Variants in MIGA1 observed in about 807,000 individuals in gnomAD.
MIGA1 encodes mitoguardin 1.
MIGA1 carries 58 observed loss-of-function variants against 82.0 expected under a neutral mutation model. The ratio of observed to expected loss-of-function variants is 0.71; its 90% CI spans 0.57 to 0.88. The LOEUF is 0.88. Ranked by LOEUF, MIGA1 falls within the 40% of genes least tolerant of loss-of-function variation. MIGA1 has a pLI of 0.00. For synonymous variants in MIGA1, 249 were observed against 253.6 expected, an observed-to-expected ratio of 0.98 and a Z score of 0.17; for missense variants, 751 against 749.1, an observed-to-expected ratio of 1.00 and a Z score of -0.03.
chr1:77,799,644 A>G (rs1261047327), intron 2 of MIGA1, among the ~76,000 whole-genome samples: 3 of 151,546 alleles, frequency 2.0e-5, no homozygotes, highest in Non-Finnish European at 4.4e-5. Flanking sequence ...TTTAATAGAT[A>G]TTTAACTGCT....
At chr1:77,794,692 C>T (rs748760770) in intron 2 of MIGA1, among the ~76,000 whole-genome samples, 1 of 152,178 alleles carries the variant, frequency 6.6e-6, no homozygotes, top group Non-Finnish European at 1.5e-5. Context: ...GTCCCAGCTA[C>T]TCTGGAGGCT....
chr1:77,821,802 T>C (rs536353227), intron 7 of MIGA1, among the ~76,000 whole-genome samples: 17 of 152,328 alleles, frequency 1.1e-4, no homozygotes, highest in Non-Finnish European at 2.5e-4. Context: ...AGTGCTGTCA[T>C]TGAAATCATT....
intron 8 of MIGA1, among the ~76,000 whole-genome samples, chr1:77,852,761 G>A (rs1315830171): frequency 6.6e-6 from 1 of 152,130 alleles, no homozygotes; most frequent in Non-Finnish European, 1.5e-5. Flanking sequence ...TACGATCTTG[G>A]CTCACTGCAA....
intron 2 of MIGA1, among the ~76,000 whole-genome samples, chr1:77,785,011 G>T (rs191076177): frequency 6.6e-6 from 1 of 152,294 alleles, no homozygotes; most frequent in Admixed American, 6.5e-5. Flanking sequence ...TGAGATTTGG[G>T]TGGGGACACA....
Position 77,870,490 on chromosome 1 carries a change from GCCGGGCAGAGACGCT to G in MIGA1, c.1564-2511_1564-2497del, listed in dbSNP as rs1178511087. On this transcript the variant is annotated intron_variant, in intron 14 of 15. Transcript: ENST00000370791. ...CTCCCCACATCTCAGACGATGGGCG[GCCGGGCAGAGACGCT>G]CCTCACTTCCTAGATGGGATGGCGG... Among the ~76,000 whole-genome samples, 1,016 of 115,266 alleles carry G rather than the reference GCCGGGCAGAGACGCT, an allele frequency of 8.8e-3. 5 individuals carry two copies. Among genetic ancestry groups the G allele is most frequent in the African/African-American group, 0.032 (973 of 30,422 alleles). 75.6% of individuals were successfully genotyped at this position (115,266 alleles called of 152,430 possible).
At chr1:77,858,026 C>T (rs761763205) in intron 8 of MIGA1, among the ~76,000 whole-genome samples, 11 of 152,110 alleles carry the variant, frequency 7.2e-5, no homozygotes, top group Non-Finnish European at 1.2e-4. Context: ...AAAAATGCTT[C>T]TTCAGTTGTT....
chr1:77,788,451 T>C (rs2101698751), intron 2 of MIGA1, among the ~76,000 whole-genome samples: 1 of 152,334 alleles, frequency 6.6e-6, no homozygotes, highest in East Asian at 1.9e-4. Flanking sequence ...TGAATTACTT[T>C]TTTATTCTGT....
chr1:77,860,203 T>A, intron 11 of MIGA1, 77 bp downstream of exon 11: 1 of 1,045,572 alleles, frequency 9.6e-7, no homozygotes, highest in Non-Finnish European at 1.4e-6. Context: ...ATTAAGACAT[T>A]AAATTTTTGA....
chr1:77,871,132 GAGGGAGAGGGC>G (rs1685978678), intron 14 of MIGA1, among the ~76,000 whole-genome samples: 1 of 149,622 alleles, frequency 6.7e-6, no homozygotes, highest in Non-Finnish European at 1.5e-5. Context: ...AGAGGAGGGA[GAGGGAGAGGGC>G]AGCACATTTT....
intron 7 of MIGA1, among the ~76,000 whole-genome samples, chr1:77,821,390 A>ATT (rs199521038): frequency 5.1e-5 from 7 of 137,610 alleles, no homozygotes; most frequent in East Asian, 2.1e-4. Context: ...ATAGTTTTAG[A>ATT]TTTTTTTTTT....
Position 77,856,151 on chromosome 1 carries a change from C to T in MIGA1, c.997-2787C>T, listed in dbSNP as rs576087034. Among the ~76,000 whole-genome samples the T allele has an allele frequency of 3.0e-3, 454 of 152,176 alleles. 2 individuals carry two copies. The highest frequency in any genetic ancestry group is 5.0e-3 in the Non-Finnish European group (338 of 68,006). On this transcript the variant is annotated intron_variant, in intron 8 of 15. Transcript: ENST00000370791. ...CTTTTTCTGCATCTATTGAGGTGAT[C>T]GTGTGATTTTTGTTTTTAATTCTGT...
intron 13 of MIGA1, 43 bp from the exon 14 acceptor site, chr1:77,866,295 A>T (rs1685664072): frequency 6.5e-7 from 1 of 1,545,954 alleles, no homozygotes; most frequent in Non-Finnish European, 8.9e-7. Flanking sequence ...GGAAATGTTT[A>T]TATAGCTATA....
At chr1:77,863,807 C>G in intron 12 of MIGA1, 87 bp from the exon 13 acceptor site, 1 of 921,214 alleles carries the variant, frequency 1.1e-6, no homozygotes, top group Non-Finnish European at 1.6e-6. Context: ...AAAACCCCTG[C>G]TGTTATAAAA....
At chr1:77,854,395 C>G (rs560955528) in intron 8 of MIGA1, among the ~76,000 whole-genome samples, 1 of 152,300 alleles carries the variant, frequency 6.6e-6, no homozygotes, top group African/African-American at 2.4e-5. Context: ...ATGATGACTT[C>G]TTTTCCTCTG....
At chr1:77,832,246 G>A (rs1377440390) in intron 7 of MIGA1, among the ~76,000 whole-genome samples, 1 of 152,142 alleles carries the variant, frequency 6.6e-6, no homozygotes, top group Admixed American at 6.5e-5. Flanking sequence ...TAAGTGTTTA[G>A]GCATCTTCCT....
In MIGA1 at chr1:77,831,688, C is replaced by T. The variant is rs751961844; in HGVS notation, c.896-11619C>T. On this transcript the variant is annotated intron_variant, in intron 7 of 15. Transcript: ENST00000370791. ...CATGACGAATGTTTGTGATTACATG[C>T]TTTGGAAGTTTATTTTTGTAACAGT... 4.6e-5 allele frequency among the ~76,000 whole-genome samples: 7 copies of T among 152,240 alleles called. No individual in the cohort carries two copies. The South Asian group carries it at 6.2e-4, about 14-fold the overall frequency.
chr1:77,847,745 A>G, intron 8 of MIGA1: 1 of 1,592,240 alleles, frequency 6.3e-7, no homozygotes, highest in Non-Finnish European at 8.6e-7. Flanking sequence ...GCTTTCGTGA[A>G]GCCAGATCTG....
chr1:77,838,645 G>A (rs539977507), intron 7 of MIGA1, among the ~76,000 whole-genome samples: 11 of 152,020 alleles, frequency 7.2e-5, no homozygotes, highest in Admixed American at 3.3e-4. Flanking sequence ...GCATGGTTTC[G>A]CCATGTTGGC....
chr1:77,847,430 A>G (rs1000428043), intron 8 of MIGA1: 5 of 1,406,328 alleles, frequency 3.6e-6, no homozygotes, highest in Non-Finnish European at 5.0e-6. Context: ...ACAACTTGCT[A>G]AAAGCAGTTG....
Sources: gnomAD v4.1 joint callset for allele counts (sites outside exome capture counted in the v4.1 genomes callset) on GRCh38, gnomAD v4.1.1 for gene constraint, MANE v1.5 for transcripts, NCBI Gene and HGNC (gene_info 2026-07-23, HGNC 2026-07-21) for gene names.